CTNNA1: variants seen among roughly 807,000 people sequenced by gnomAD.
CTNNA1 encodes the protein catenin alpha-1.
A neutral mutation model predicts 98.4 loss-of-function variants in CTNNA1; 37 were observed. That is an observed-to-expected ratio of 0.38 (90% CI 0.29 to 0.49). The LOEUF (loss-of-function observed/expected upper bound fraction) is 0.49, where lower values mean the gene tolerates loss of function less well. Ranked by LOEUF, CTNNA1 falls within the 20% of genes least tolerant of loss-of-function variation. The probability of loss-of-function intolerance (pLI) is 0.95; values close to 1 mark genes in which losing one functional copy is unlikely to be tolerated. For missense variants in CTNNA1, 761 were observed against 1,147.2 expected, an observed-to-expected ratio of 0.66 and a Z score of 4.86; for synonymous variants, 404 against 413.2, an observed-to-expected ratio of 0.98 and a Z score of 0.27.
chr5:138,758,264 C>T (rs911865368), intron 1 of CTNNA1, among the ~76,000 whole-genome samples: 10 of 151,782 alleles, frequency 6.6e-5, no homozygotes, highest in African/African-American at 1.7e-4. Context: ...TGCAGTGGTG[C>T]GATCTTGGCT....
intron 1 of CTNNA1, among the ~76,000 whole-genome samples, chr5:138,760,555 G>A (rs758609216): frequency 4.0e-5 from 6 of 151,688 alleles, no homozygotes; most frequent in Non-Finnish European, 5.9e-5. Context: ...TAGTAGAAAC[G>A]GGGTTTCACC....
chr5:138,798,255 G>A (rs1225823725), intron 3 of CTNNA1, among the ~76,000 whole-genome samples: 1 of 152,166 alleles, frequency 6.6e-6, no homozygotes, highest in Non-Finnish European at 1.5e-5. Context: ...ACTGAGTAAG[G>A]TATGGGAGAT....
intron 11 of CTNNA1, among the ~76,000 whole-genome samples, chr5:138,918,329 GAGA>G (rs1420330997): frequency 6.6e-6 from 1 of 151,464 alleles, no homozygotes; most frequent in Non-Finnish European, 1.5e-5. Context: ...TGAAACTTAG[GAGA>G]AGAAGGGATT....
At chr5:138,788,870 T>A (rs1756013280) in intron 3 of CTNNA1, among the ~76,000 whole-genome samples, 5 of 152,234 alleles carry the variant, frequency 3.3e-5, no homozygotes. Context: ...CAATTTATAC[T>A]TGGATCTCAA....
chr5:138,753,729 C>T (rs1751271093), intron 1 of CTNNA1: 1 of 310,114 alleles, frequency 3.2e-6, no homozygotes, highest in Non-Finnish European at 5.9e-6. Context: ...GTATGGGGCC[C>T]GGGCGGGCAC....
intron 6 of CTNNA1, among the ~76,000 whole-genome samples, chr5:138,826,159 A>C (rs934966816): frequency 6.6e-6 from 1 of 152,224 alleles, no homozygotes; most frequent in Admixed American, 6.5e-5. Context: ...CCTTACAAAA[A>C]ATGATCAGCT....
intron 9 of CTNNA1, among the ~76,000 whole-genome samples, chr5:138,894,951 C>T (rs189822110): frequency 1.3e-5 from 2 of 152,296 alleles, no homozygotes; most frequent in Non-Finnish European, 2.9e-5. Flanking sequence ...CTTATCCCCT[C>T]CATTGCATCC....
intron 15 of CTNNA1, 31 bp from the exon 16 acceptor site, chr5:138,930,799 C>T: frequency 6.5e-7 from 1 of 1,547,780 alleles, no homozygotes. Flanking sequence ...GCTTCACATA[C>T]AATAATCCTT....
intron 1 of CTNNA1, among the ~76,000 whole-genome samples, chr5:138,764,048 G>A (rs892270643): frequency 1.3e-5 from 2 of 152,126 alleles, no homozygotes; most frequent in African/African-American, 2.4e-5. Context: ...TGCAGGGCGC[G>A]GTGTCTCACA....
chr5:138,893,120 T>C (rs1196409095), intron 9 of CTNNA1, among the ~76,000 whole-genome samples: 1 of 152,244 alleles, frequency 6.6e-6, no homozygotes, highest in Admixed American at 6.5e-5. Context: ...GGGTCATTTT[T>C]GTCCCAGCTC....
chr5:138,812,082 T>G, intron 4 of CTNNA1, 101 bp from the exon 5 acceptor site: 2 of 1,074,638 alleles, frequency 1.9e-6, no homozygotes, highest in Non-Finnish European at 2.7e-6. Flanking sequence ...TGGGTTGCTT[T>G]TTGAGTAGTT....
chr5:138,808,849 G>A (rs1758379273), intron 3 of CTNNA1, among the ~76,000 whole-genome samples: 1 of 151,970 alleles, frequency 6.6e-6, no homozygotes, highest in African/African-American at 2.4e-5. Flanking sequence ...ATAACCAGTG[G>A]ACAAGACACA....
Position 138,932,575 on chromosome 5 carries a change from C to T in CTNNA1, c.2299-3C>T. On this transcript the variant is annotated splice_polypyrimidine_tract_variant and splice_region_variant and intron_variant, in intron 16 of 17. Coordinates refer to ENST00000302763, the MANE Select transcript of CTNNA1 (RefSeq NM_001903.5). ...CTTGGTGTTAAGCCTGCTCTCTCTT[C>T]AGTGCCCCGACTCGGCTTGCAAGCA... 6.2e-7 allele frequency: 1 copy of T among 1,614,110 alleles called. No individual in the cohort carries two copies. The highest frequency in any genetic ancestry group is 2.2e-5 in the East Asian group (1 of 44,882).
intron 7 of CTNNA1, among the ~76,000 whole-genome samples, chr5:138,830,233 G>C (rs181486167): frequency 3.3e-5 from 5 of 151,552 alleles, no homozygotes; most frequent in Non-Finnish European, 7.4e-5. Context: ...TGGTGTGGGG[G>C]CCCCTGTAGT....
chr5:138,791,787 CTTTTTTTTT>C (rs1168548486), intron 3 of CTNNA1, among the ~76,000 whole-genome samples: 1 of 92,264 alleles, frequency 1.1e-5, no homozygotes, highest in Non-Finnish European at 2.0e-5. Flanking sequence ...GTTTTCTCAG[CTTTTTTTTT>C]TTTTTTTTTT....
At chr5:138,922,190 C>A (rs899772456) in intron 11 of CTNNA1, among the ~76,000 whole-genome samples, 4 of 152,156 alleles carry the variant, frequency 2.6e-5, no homozygotes, top group Admixed American at 6.5e-5. Flanking sequence ...TACCATACTT[C>A]TACTTTAAAC....
intron 1 of CTNNA1, among the ~76,000 whole-genome samples, chr5:138,774,647 A>G (rs1279753394): frequency 6.7e-6 from 1 of 149,398 alleles, no homozygotes; most frequent in Non-Finnish European, 1.5e-5. Context: ...TTTGAGGCGG[A>G]GTCTCGCTCT....
At chr5:138,810,860 G>A (rs545010906) in intron 4 of CTNNA1, among the ~76,000 whole-genome samples, 2 of 152,114 alleles carry the variant, frequency 1.3e-5, no homozygotes, top group Non-Finnish European at 2.9e-5. Flanking sequence ...TTCCCCAGTA[G>A]GGGCGGCCGG....
At chr5:138,853,279 C>T (rs1235585369) in intron 7 of CTNNA1, among the ~76,000 whole-genome samples, 1 of 152,052 alleles carries the variant, frequency 6.6e-6, no homozygotes. Context: ...TTCCCTTGAC[C>T]ACTGTTGAAT....
Sources: allele counts gnomAD v4.1 joint callset (sites outside exome capture counted in the v4.1 genomes callset), GRCh38; gene constraint gnomAD v4.1.1; transcripts MANE v1.5; gene names NCBI Gene and HGNC (gene_info 2026-07-23, HGNC 2026-07-21).